The following IGFBP7 variants were observed in gnomAD, a reference collection of about 807,000 sequenced individuals.
IGFBP7 encodes the protein insulin like growth factor binding protein 7.
A neutral mutation model predicts 29.4 loss-of-function variants in IGFBP7; 31 were observed. The observed-to-expected ratio is 1.05, with a 90% CI of 0.79 to 1.42. IGFBP7 has a LOEUF of 1.42. Ranked by LOEUF, IGFBP7 falls within the 40% of genes most tolerant of loss-of-function variation. IGFBP7 has a pLI of 0.00. For synonymous variants in IGFBP7, 172 were observed against 174.9 expected, an observed-to-expected ratio of 0.98 and a Z score of 0.13; for missense variants, 393 against 395.5, an observed-to-expected ratio of 0.99 and a Z score of 0.05.
At chr4:57,078,077 A>G (rs1296658197) in intron 1 of IGFBP7, among the ~76,000 whole-genome samples, 1 of 152,094 alleles carries the variant, frequency 6.6e-6, no homozygotes, top group East Asian at 1.9e-4. Flanking sequence ...ATCCTGTTTC[A>G]TGTTACTCTT....
At chr4:57,098,019 G>C (rs1725802176) in intron 1 of IGFBP7, among the ~76,000 whole-genome samples, 1 of 152,178 alleles carries the variant, frequency 6.6e-6, no homozygotes, top group South Asian at 2.1e-4. Flanking sequence ...CTGATATATG[G>C]TGTGGATTAT....
rs555241240 is a variant in IGFBP7, at chr4:57,068,564, G to A, written c.476-27631C>T. On this transcript the variant is annotated intron_variant, in intron 1 of 4. Transcript: ENST00000295666. Reference sequence around the variant, plus strand: ...GATACTTTCTATTCAGTAGTGCATGGTTGGAGTCAAAAATGAAGAACATAC... The same window carrying A: ...GATACTTTCTATTCAGTAGTGCATGATTGGAGTCAAAAATGAAGAACATAC... Among the ~76,000 whole-genome samples, 4 of 152,294 alleles carry A rather than the reference G, an allele frequency of 2.6e-5. No homozygotes were observed. In the South Asian group the frequency reaches 8.3e-4, roughly 32 times the overall value.
chr4:57,073,821 C>G (rs904161743), intron 1 of IGFBP7, among the ~76,000 whole-genome samples: 2 of 152,134 alleles, frequency 1.3e-5, no homozygotes, highest in African/African-American at 2.4e-5. Flanking sequence ...GGTGAGCCTT[C>G]TAAAGCGTGT....
chr4:57,110,382 G>A lies in IGFBP7; in HGVS notation c.-31C>T, dbSNP rs1016024007. The A allele has an allele frequency of 3.9e-6, 5 of 1,298,272 alleles. No individual in the cohort carries two copies. In the East Asian group the frequency reaches 9.7e-5, roughly 25 times the overall value. The allele number at this position is 1,298,272 out of a possible 1,614,324, so 80.4% of individuals were successfully genotyped here. A position where few individuals can be genotyped will look rare whatever the true frequency, so the allele number is the denominator to read the frequency against. ...GGTGCGGTGGCAGCGGCAAGGGCGCGAGTGAGCCGTGTCGGGCCGGCCGGC... is the reference window on the plus strand; with the variant it reads ...GGTGCGGTGGCAGCGGCAAGGGCGCAAGTGAGCCGTGTCGGGCCGGCCGGC... On this transcript the variant is annotated 5_prime_UTR_variant, in exon 1 of 5. Coordinates refer to ENST00000295666, the MANE Select transcript of IGFBP7 (RefSeq NM_001553.3).
chr4:57,100,044 C>T (rs954095872), intron 1 of IGFBP7, among the ~76,000 whole-genome samples: 7 of 141,720 alleles, frequency 4.9e-5, no homozygotes, highest in Middle Eastern at 5.1e-3. Context: ...CCAGGCTCTA[C>T]GTTTCTTATT....
intron 1 of IGFBP7, among the ~76,000 whole-genome samples, chr4:57,049,051 T>C (rs1217831681): frequency 6.6e-6 from 1 of 152,102 alleles, no homozygotes; most frequent in African/African-American, 2.4e-5. Context: ...GGTCTGGAGC[T>C]CTCATTCTCT....
chr4:57,039,582 C>T (rs1270271350), intron 2 of IGFBP7, among the ~76,000 whole-genome samples: 1 of 151,768 alleles, frequency 6.6e-6, no homozygotes, highest in African/African-American at 2.4e-5. Context: ...GTCAATAGTG[C>T]TGAGGCTGAG....
intron 1 of IGFBP7, among the ~76,000 whole-genome samples, chr4:57,108,192 C>T (rs142731166): frequency 4.3e-4 from 65 of 152,310 alleles, no homozygotes; most frequent in African/African-American, 1.4e-3. Context: ...GGTGATGATA[C>T]TATAAATAGT....
intron 1 of IGFBP7, among the ~76,000 whole-genome samples, chr4:57,044,466 A>G (rs1457950782): frequency 6.6e-6 from 1 of 152,196 alleles, no homozygotes; most frequent in Non-Finnish European, 1.5e-5. Flanking sequence ...GTTTTCTTCT[A>G]CAAGCTTTAT....
At chr4:57,069,020 C>T (rs548830149) in intron 1 of IGFBP7, among the ~76,000 whole-genome samples, 1 of 73,340 alleles carries the variant, frequency 1.4e-5, no homozygotes, top group East Asian at 3.9e-4. Context: ...ATTCTCTGAG[C>T]CCCTCACCCA....
rs1020353510 is a variant in IGFBP7 at position 57,031,180 on chromosome 4, G to C, written c.*137C>G. 1.9e-5 allele frequency: 15 copies of C among 809,666 alleles called. No homozygotes were observed. Among genetic ancestry groups the C allele is most frequent in the Non-Finnish European group, 2.7e-5 (13 of 483,748 alleles). The allele number at this position is 809,666 out of a possible 1,614,324, so 50.2% of individuals were successfully genotyped here. On this transcript the variant is annotated 3_prime_UTR_variant, in exon 5 of 5. Transcript: ENST00000295666. ...AGTCTTGATGTGTGATCTTTATTTTGTATTTCTCTGTGTAAAACCAGTGAA... is the reference window on the plus strand; with the variant it reads ...AGTCTTGATGTGTGATCTTTATTTTCTATTTCTCTGTGTAAAACCAGTGAA...
At chr4:57,056,027 T>C (rs1724662663) in intron 1 of IGFBP7, among the ~76,000 whole-genome samples, 1 of 152,066 alleles carries the variant, frequency 6.6e-6, no homozygotes. Context: ...CGGACTCCCA[T>C]TGTCACAGCC....
At chr4:57,094,767 A>G (rs1397890689) in intron 1 of IGFBP7, among the ~76,000 whole-genome samples, 1 of 152,186 alleles carries the variant, frequency 6.6e-6, no homozygotes, top group African/African-American at 2.4e-5. Context: ...TTGTTGCTGA[A>G]CCCTTGACCA....
intron 1 of IGFBP7, among the ~76,000 whole-genome samples, chr4:57,052,200 A>G (rs1228090611): frequency 6.6e-6 from 1 of 152,116 alleles, no homozygotes; most frequent in East Asian, 1.9e-4. Context: ...GACTTGGGGG[A>G]TTATTCAGGA....
chr4:57,106,003 T>C (rs1345564619), intron 1 of IGFBP7, among the ~76,000 whole-genome samples: 3 of 149,768 alleles, frequency 2.0e-5, no homozygotes, highest in Non-Finnish European at 4.4e-5. Flanking sequence ...GCCTCCCAGG[T>C]TCACGCCATT....
chr4:57,065,238 GA>G (rs1396785730), intron 1 of IGFBP7, among the ~76,000 whole-genome samples: 1 of 152,142 alleles, frequency 6.6e-6, no homozygotes. Flanking sequence ...AAAAACAAAG[GA>G]AAAAAAGTCC....
intron 2 of IGFBP7, 90 bp downstream of exon 2, chr4:57,040,734 G>T: frequency 2.1e-6 from 2 of 957,402 alleles, no homozygotes; most frequent in African/African-American, 1.6e-5. Flanking sequence ...AGTCAACAAA[G>T]CAGGCTGAGG....
chr4:57,087,983 T>C (rs1725536454), intron 1 of IGFBP7, among the ~76,000 whole-genome samples: 1 of 152,206 alleles, frequency 6.6e-6, no homozygotes, highest in Admixed American at 6.5e-5. Flanking sequence ...TTTATGTTTA[T>C]TTTGATACAG....
At chr4:57,051,701 C>CCT (rs1389964067) in intron 1 of IGFBP7, among the ~76,000 whole-genome samples, 2 of 152,160 alleles carry the variant, frequency 1.3e-5, no homozygotes, top group Non-Finnish European at 2.9e-5. Flanking sequence ...CTCTACCACT[C>CCT]CTGAGTTATG....
Sources: allele counts gnomAD v4.1 joint callset (sites outside exome capture counted in the v4.1 genomes callset), GRCh38; gene constraint gnomAD v4.1.1; transcripts MANE v1.5; gene names NCBI Gene and HGNC (gene_info 2026-07-23, HGNC 2026-07-21).